Variants in FAT1 observed in about 807,000 individuals in gnomAD.
The protein encoded by FAT1 is protocadherin Fat 1.
A neutral mutation model predicts 329.8 loss-of-function variants in FAT1; 171 were observed. The observed-to-expected ratio is 0.52, with a 90% CI of 0.46 to 0.59. The LOEUF (loss-of-function observed/expected upper bound fraction) is 0.59. Among genes scored for constraint, FAT1 ranks in the 20% least tolerant of loss-of-function variants. FAT1 has a pLI of 0.00. For missense variants in FAT1, 5,672 were observed against 5,774.4 expected, an observed-to-expected ratio of 0.98 and a Z score of 0.57; for synonymous variants, 2,233 against 2,228.6, an observed-to-expected ratio of 1.00 and a Z score of -0.06.
chr4:186,595,547 TG>T (rs1393298600), intron 26 of FAT1, 141 bp downstream of exon 26: 1 of 843,342 alleles, frequency 1.2e-6, no homozygotes, highest in Admixed American at 2.7e-5. Flanking sequence ...CATGCAAGTA[TG>T]TATGGTATTG....
chr4:186,700,068 G>A lies in FAT1; in HGVS notation c.3265+6495C>T, dbSNP rs574315146. On this transcript the variant is annotated intron_variant, in intron 2 of 26. Transcript: ENST00000441802. The stretch of plus-strand genomic sequence containing the variant: ...AAGCTTACTCTGGCTTTCTTGCCCC[G>A]TACTAGATGGCCAAGAGGACAGCTG... 7.3e-4 allele frequency among the ~76,000 whole-genome samples: 111 copies of A among 152,192 alleles called. No individual in the cohort carries two copies. In the South Asian group the frequency reaches 7.5e-3, roughly 10 times the overall value.
At chr4:186,597,224 T>G (rs185345294) in intron 24 of FAT1, 53 bp from the exon 25 acceptor site, 191 of 1,492,494 alleles carry the variant, frequency 1.3e-4, no homozygotes, top group Middle Eastern at 1.2e-3. Flanking sequence ...CGCCAGCGTA[T>G]GTCAGGCTCA....
intron 1 of FAT1, among the ~76,000 whole-genome samples, chr4:186,722,774 T>C (rs1019132500): frequency 2.0e-5 from 3 of 152,188 alleles, no homozygotes; most frequent in Non-Finnish European, 2.9e-5. Context: ...TGAAGGTCAT[T>C]TTCTTTTCAA....
intron 3 of FAT1, among the ~76,000 whole-genome samples, chr4:186,662,473 T>C (rs1184661459): frequency 6.6e-6 from 1 of 152,080 alleles, no homozygotes; most frequent in Non-Finnish European, 1.5e-5. Flanking sequence ...AAAAAAATAT[T>C]AGAAGCAAAA....
At chr4:186,605,615 GGGAGGAGGAAGAGAA>G (rs537539685) in intron 17 of FAT1, among the ~76,000 whole-genome samples, 1,510 of 143,810 alleles carry the variant, frequency 0.011, 14 homozygotes, top group Non-Finnish European at 0.016. Flanking sequence ...GGGAAGAGTG[GGGAGGAGGAAGAGAA>G]GGAGGAGGAA....
At chr4:186,723,284 G>A (rs1286245859) in intron 1 of FAT1, among the ~76,000 whole-genome samples, 1 of 152,234 alleles carries the variant, frequency 6.6e-6, no homozygotes, top group Admixed American at 6.5e-5. Flanking sequence ...CCCCGCGCAG[G>A]CCTCCCGCGT....
intron 3 of FAT1, among the ~76,000 whole-genome samples, chr4:186,649,819 G>A (rs9993924): frequency 0.32 from 48,082 of 151,962 alleles, 8,359 homozygotes; most frequent in Middle Eastern, 0.41. Context: ...CTTTATTGAG[G>A]TATAACTGAT....
At chr4:186,699,453 G>A (rs922481010) in intron 2 of FAT1, among the ~76,000 whole-genome samples, 1 of 152,182 alleles carries the variant, frequency 6.6e-6, no homozygotes, top group African/African-American at 2.4e-5. Flanking sequence ...TGTTGAACTG[G>A]CAAGGCAAGT....
At chr4:186,635,252 A>C (rs1355988142) in intron 6 of FAT1, among the ~76,000 whole-genome samples, 1 of 152,204 alleles carries the variant, frequency 6.6e-6, no homozygotes, top group African/African-American at 2.4e-5. Context: ...CAGAGAGATG[A>C]ATCGCAACAG....
intron 16 of FAT1, among the ~76,000 whole-genome samples, chr4:186,608,873 T>C (rs1739263952): frequency 6.6e-6 from 1 of 152,220 alleles, no homozygotes; most frequent in South Asian, 2.1e-4. Flanking sequence ...TCAACCTCTA[T>C]GATTTTCCAA....
At chr4:186,693,071 G>A (rs542117736) in intron 2 of FAT1, among the ~76,000 whole-genome samples, 5 of 152,308 alleles carry the variant, frequency 3.3e-5, no homozygotes, top group African/African-American at 1.2e-4. Flanking sequence ...CTCTGCTTAC[G>A]TTCTAGTTTA....
intron 2 of FAT1, among the ~76,000 whole-genome samples, chr4:186,688,996 T>C (rs1158401395): frequency 1.3e-5 from 2 of 152,162 alleles, no homozygotes; most frequent in Non-Finnish European, 2.9e-5. Flanking sequence ...AAACAGGCCA[T>C]TGAAACAACA....
Position 186,602,944 on chromosome 4 carries a change from T to C in FAT1, c.11441A>G (p.His3814Arg). The C allele has an allele frequency of 6.2e-7, 1 of 1,613,956 alleles. No individual in the cohort carries two copies. Among genetic ancestry groups the C allele is most frequent in the Non-Finnish European group, 8.5e-7 (1 of 1,179,878 alleles). Residue 3814 changes from histidine (H) to arginine (R), a missense_variant, in exon 20 of 27, where the codon CAC (histidine) becomes CGC (arginine). Around this residue, in one of 2 missense-constraint regions of FAT1, gnomAD observed 1,706 missense variants for 1,859.1 expected, o/e 0.92. Coordinates refer to ENST00000441802, the MANE Select transcript of FAT1 (RefSeq NM_005245.4). Reference protein sequence around the residue: ...ECVSDPWEEKHTCVCPSGRFG... With the variant: ...ECVSDPWEEKRTCVCPSGRFG... The stretch of plus-strand genomic sequence containing the variant: ...CCTGCCGCTGGGACAGACACAGGTG[T>C]GTTTCTCCTCCCAGGGATCAGACAC...
chr4:186,593,625 G>A (rs549955118), intron 26 of FAT1, among the ~76,000 whole-genome samples: 49 of 152,332 alleles, frequency 3.2e-4, no homozygotes, highest in African/African-American at 1.2e-3. Context: ...TCTGCTGACA[G>A]AAGGGTGGTC....
In FAT1 at chr4:186,620,102, G is replaced by T. The variant is rs2126512406; in HGVS notation, c.6484C>A (p.Pro2162Thr). The change falls in exon 10 of 27, where the codon CCG becomes ACG. Residue 2162 changes from proline to threonine, a missense_variant. This residue lies in a region of FAT1 where 3,966 missense variants were observed against 3,915.2 expected (regional missense o/e 1.01). Coordinates refer to ENST00000441802, the MANE Select transcript of FAT1 (RefSeq NM_005245.4). ...ACGATAACTTCCGCTGAAAAGGCCG[G>T]GTTCCCTCCATCTTTTGCAACCACT... ...VTVVAKDGGN[P>T]AFSAEVIVPI... 6.2e-7 allele frequency: 1 copy of T among 1,613,962 alleles called. No individual in the cohort carries two copies. Among genetic ancestry groups the T allele is most frequent in the Non-Finnish European group, 8.5e-7 (1 of 1,179,878 alleles).
chr4:186,693,119 T>C (rs532596588), intron 2 of FAT1, among the ~76,000 whole-genome samples: 1 of 152,362 alleles, frequency 6.6e-6, no homozygotes, highest in African/African-American at 2.4e-5. Context: ...AGATATACTG[T>C]AATGCCATTA....
intron 2 of FAT1, among the ~76,000 whole-genome samples, chr4:186,675,503 T>C (rs1742909177): frequency 6.6e-6 from 1 of 152,094 alleles, no homozygotes; most frequent in South Asian, 2.1e-4. Context: ...CTCATGCCTG[T>C]AATTTCTCCA....
Position 186,588,943 on chromosome 4 carries a change from A to G in FAT1, c.13416T>C (p.Gly4472=). Residue 4472 remains glycine, a synonymous_variant, in exon 27 of 27, where the codon GGT becomes GGC. Transcript: ENST00000441802. ...GGTTTCTTGATGAAGAACCCAAGCT[A>G]CCCGCGGCAGGCATGTCTCTAGGAG... ...IHPPRDMPAA[G]SLGSSSRNRQ... 1 of 1,613,878 alleles carries G rather than the reference A, an allele frequency of 6.2e-7. No homozygotes were observed. Among genetic ancestry groups the G allele is most frequent in the Non-Finnish European group, 8.5e-7 (1 of 1,179,860 alleles).
rs774189346 is a variant in FAT1, at chr4:186,639,794, A to G, written c.3581-11T>C. ...TAGTTGTGATGAGACCTGTAAAATG[A>G]TAACAGTTCATTAATCCTCACAAAA... On this transcript the variant is annotated splice_polypyrimidine_tract_variant and intron_variant, in intron 3 of 26. Coordinates refer to ENST00000441802, the MANE Select transcript of FAT1 (RefSeq NM_005245.4). The G allele has an allele frequency of 3.0e-5, 48 of 1,604,834 alleles. No individual in the cohort carries two copies. Among genetic ancestry groups the G allele is most frequent in the African/African-American group, 4.0e-5 (3 of 74,606 alleles).
Sources: gnomAD v4.1 joint callset for allele counts (sites outside exome capture counted in the v4.1 genomes callset) on GRCh38, gnomAD v4.1.1 for gene constraint, gnomAD v4.1.1 regional missense constraint, MANE v1.5 for transcripts, NCBI Gene and HGNC (gene_info 2026-07-23, HGNC 2026-07-21) for gene names.